The following HEMK2 variants were observed in gnomAD, a reference collection of about 807,000 sequenced individuals.
HEMK2 encodes the protein HemK methyltransferase 2, ETF1 glutamine and histone H4 lysine.
At chr21:28,831,667 GAAAGAAAGAAAGAAA>G in the HEMK2 span, among the ~76,000 whole-genome samples, 10 of 55,780 alleles carry the variant, frequency 1.8e-4, no homozygotes, top group African/African-American at 4.5e-4. Flanking sequence ...AAGAAAGAAA[GAAAGAAAGAAAGAAA>G]GAAGGAAGGA....
At chr21:28,789,749 G>A in the HEMK2 span, among the ~76,000 whole-genome samples, 2 of 152,114 alleles carry the variant, frequency 1.3e-5, no homozygotes, top group African/African-American at 2.4e-5. Context: ...AGCCTCTAAC[G>A]GGCAGGTCTG....
chr21:28,795,978 C>A, the HEMK2 span, among the ~76,000 whole-genome samples: 4 of 152,206 alleles, frequency 2.6e-5, no homozygotes, highest in East Asian at 1.9e-4. Context: ...AGTCTCTAGC[C>A]GCTAGCTACT....
At chr21:28,626,886 G>T in the HEMK2 span, among the ~76,000 whole-genome samples, 1 of 151,588 alleles carries the variant, frequency 6.6e-6, no homozygotes, top group African/African-American at 2.4e-5. Context: ...CTGCTCCTAA[G>T]TATTTAATTA....
the HEMK2 span, among the ~76,000 whole-genome samples, chr21:28,778,105 T>C: frequency 1.3e-5 from 2 of 152,204 alleles, no homozygotes; most frequent in Non-Finnish European, 2.9e-5. Flanking sequence ...TCAGCTTTTA[T>C]ATAACCACAC....
chr21:28,720,470 T>C, the HEMK2 span, among the ~76,000 whole-genome samples: 1 of 152,268 alleles, frequency 6.6e-6, no homozygotes, highest in Non-Finnish European at 1.5e-5. Context: ...TGATGGCTCA[T>C]GCCTGTTATT....
the HEMK2 span, among the ~76,000 whole-genome samples, chr21:28,703,884 T>C: frequency 1.3e-5 from 2 of 152,340 alleles, no homozygotes; most frequent in African/African-American, 4.8e-5. Flanking sequence ...ATATTTTCCA[T>C]CCTTCTCTTG....
the HEMK2 span, among the ~76,000 whole-genome samples, chr21:28,653,406 T>C: frequency 1.3e-5 from 2 of 152,092 alleles, no homozygotes; most frequent in Admixed American, 1.3e-4. Flanking sequence ...TGCACTAGAC[T>C]CCAACTAAAC....
At chr21:28,639,051 C>A in the HEMK2 span, among the ~76,000 whole-genome samples, 1 of 152,062 alleles carries the variant, frequency 6.6e-6, no homozygotes, top group Admixed American at 6.6e-5. Context: ...AGAAGGACAA[C>A]CAAAGACAAG....
the HEMK2 span, among the ~76,000 whole-genome samples, chr21:28,773,709 G>T: frequency 6.6e-6 from 1 of 152,078 alleles, no homozygotes; most frequent in African/African-American, 2.4e-5. Context: ...CAAAGACAAG[G>T]ATCATCTCTG....
At chr21:28,877,334 G>C in the HEMK2 span, among the ~76,000 whole-genome samples, 1 of 138,714 alleles carries the variant, frequency 7.2e-6, no homozygotes, top group African/African-American at 2.7e-5. Flanking sequence ...GAAAAAGAAA[G>C]AAGGAAGGAA....
At chr21:28,691,314 T>A in the HEMK2 span, among the ~76,000 whole-genome samples, 37 of 152,332 alleles carry the variant, frequency 2.4e-4, no homozygotes, top group East Asian at 6.9e-3. Flanking sequence ...ATGAATTGAT[T>A]CAGCATCTTC....
At chr21:28,753,532 T>A in the HEMK2 span, among the ~76,000 whole-genome samples, 1 of 152,230 alleles carries the variant, frequency 6.6e-6, no homozygotes, top group East Asian at 1.9e-4. Context: ...AGGATTGACA[T>A]TCTCAATCAT....
At chr21:28,606,574 G>A in the HEMK2 span, among the ~76,000 whole-genome samples, 1 of 152,104 alleles carries the variant, frequency 6.6e-6, no homozygotes, top group Non-Finnish European at 1.5e-5. Context: ...CTGTGTTGAG[G>A]TAAAAGACAA....
the HEMK2 span, among the ~76,000 whole-genome samples, chr21:28,720,826 A>C: frequency 6.6e-6 from 1 of 152,192 alleles, no homozygotes; most frequent in African/African-American, 2.4e-5. Flanking sequence ...AGAGCACTCA[A>C]CTGGAGCTGG....
chr21:28,695,602 G>A, the HEMK2 span, among the ~76,000 whole-genome samples: 3 of 151,950 alleles, frequency 2.0e-5, no homozygotes, highest in Non-Finnish European at 2.9e-5. Context: ...CATGAGAACC[G>A]CCCCCATGAT....
At chr21:28,660,743 G>C in the HEMK2 span, among the ~76,000 whole-genome samples, 6 of 151,978 alleles carry the variant, frequency 3.9e-5, no homozygotes, top group South Asian at 1.2e-3. Context: ...ATCAAAGTTT[G>C]GAGAACATCA....
the HEMK2 span, among the ~76,000 whole-genome samples, chr21:28,730,215 CA>C: frequency 2.7e-5 from 4 of 150,288 alleles, no homozygotes; most frequent in Admixed American, 6.6e-5. Flanking sequence ...CCCATTGCCA[CA>C]AAAAAAAAGT....
the HEMK2 span, among the ~76,000 whole-genome samples, chr21:28,587,876 T>C: frequency 3.3e-5 from 5 of 152,304 alleles, no homozygotes; most frequent in Middle Eastern, 0.01. Flanking sequence ...TTTGCAGAGA[T>C]TAAAATAGCA....
chr21:28,797,189 CCA>C, the HEMK2 span, among the ~76,000 whole-genome samples: 294 of 152,258 alleles, frequency 1.9e-3, 4 homozygotes, highest in African/African-American at 6.9e-3. Flanking sequence ...TCACTGGGGC[CCA>C]CAGTCATCCC....
Sources: gnomAD v4.1 joint callset for allele counts (sites outside exome capture counted in the v4.1 genomes callset) on GRCh38, gnomAD v4.1.1 for gene constraint, MANE v1.5 for transcripts, NCBI Gene and HGNC (gene_info 2026-07-23, HGNC 2026-07-21) for gene names.